SCAPER: variants seen among roughly 807,000 people sequenced by gnomAD.
The protein encoded by SCAPER is S-phase cyclin A associated protein in the ER.
In SCAPER, 98 loss-of-function variants were observed where a neutral mutation model predicts 182.2. That is an observed-to-expected ratio of 0.54 (90% CI 0.46 to 0.64). The LOEUF (loss-of-function observed/expected upper bound fraction) is 0.64. Ranked by LOEUF, SCAPER falls within the 30% of genes least tolerant of loss-of-function variation. The probability of loss-of-function intolerance (pLI) is 0.00; values close to 1 mark genes in which losing one functional copy is unlikely to be tolerated. For missense variants in SCAPER, 1,432 were observed against 1,690.0 expected (o/e 0.85, Z 2.68); for synonymous variants, 605 against 564.6 (o/e 1.07, Z -1.01).
chr15:76,521,535 A>G (rs1486027779), intron 23 of SCAPER, among the ~76,000 whole-genome samples: 1 of 152,208 alleles, frequency 6.6e-6, no homozygotes, highest in Non-Finnish European at 1.5e-5. Flanking sequence ...TTAGCCCTTC[A>G]TAGCTGTAGT....
rs2049360676 is a variant in SCAPER, at chr15:76,594,590, A to T, written c.2712-20306T>A. 1.6e-5 allele frequency among the ~76,000 whole-genome samples: 2 copies of T among 121,766 alleles called. 1 individual carries two copies. 79.9% of individuals were successfully genotyped at this position (121,766 alleles called of 152,430 possible). On this transcript the variant is annotated intron_variant, in intron 22 of 31. Coordinates refer to ENST00000563290, the MANE Select transcript of SCAPER (RefSeq NM_020843.4). Reference sequence around the variant, plus strand: ...GGCAGCCAGAGAGAAAGGTCGGGTTATCCACAAAGGGAAGCCCATCAGACT... The same window carrying T: ...GGCAGCCAGAGAGAAAGGTCGGGTTTTCCACAAAGGGAAGCCCATCAGACT...
At chr15:76,571,056 T>G (rs1038089105) in intron 23 of SCAPER, among the ~76,000 whole-genome samples, 1 of 152,092 alleles carries the variant, frequency 6.6e-6, no homozygotes, top group Non-Finnish European at 1.5e-5. Flanking sequence ...AATCTCCTAT[T>G]AGACCTCATA....
intron 17 of SCAPER, among the ~76,000 whole-genome samples, chr15:76,708,265 T>G (rs147929078): frequency 6.6e-6 from 1 of 152,306 alleles, no homozygotes; most frequent in African/African-American, 2.4e-5. Flanking sequence ...ATCACTGTTT[T>G]GGGGTTGTCT....
intron 14 of SCAPER, among the ~76,000 whole-genome samples, chr15:76,760,002 G>A (rs969316896): frequency 1.3e-5 from 2 of 152,048 alleles, no homozygotes; most frequent in Non-Finnish European, 2.9e-5. Flanking sequence ...GTAAGAGATA[G>A]GAAAAACTAA....
At chr15:76,664,003 A>G (rs2056390489) in intron 21 of SCAPER, among the ~76,000 whole-genome samples, 1 of 152,172 alleles carries the variant, frequency 6.6e-6, no homozygotes, top group Admixed American at 6.6e-5. Flanking sequence ...TACATTTAAA[A>G]AAAAAGGCCC....
At chr15:76,701,432 T>G (rs1304244266) in intron 20 of SCAPER, among the ~76,000 whole-genome samples, 1 of 152,184 alleles carries the variant, frequency 6.6e-6, no homozygotes, top group Non-Finnish European at 1.5e-5. Context: ...TAAGTGAAAT[T>G]TATGTGGTTA....
intron 20 of SCAPER, among the ~76,000 whole-genome samples, chr15:76,697,756 C>T (rs2058726578): frequency 6.6e-6 from 1 of 152,140 alleles, no homozygotes; most frequent in South Asian, 2.1e-4. Context: ...TCTCCTGCCT[C>T]AGCCTCTGAA....
At chr15:76,414,666 T>C (rs1484466098) in intron 26 of SCAPER, among the ~76,000 whole-genome samples, 1 of 152,118 alleles carries the variant, frequency 6.6e-6, no homozygotes, top group African/African-American at 2.4e-5. Flanking sequence ...CAAGGAGTAT[T>C]TAACACCAAT....
chr15:76,477,939 TTTTTTTTTAG>T (rs2050791106), intron 24 of SCAPER, among the ~76,000 whole-genome samples: 1 of 152,014 alleles, frequency 6.6e-6, no homozygotes, highest in African/African-American at 2.4e-5. Flanking sequence ...TATCTTAATT[TTTTTTTTTAG>T]TTTTTTTTGG....
At chr15:76,722,074 A>G (rs2060279949) in intron 17 of SCAPER, among the ~76,000 whole-genome samples, 1 of 152,182 alleles carries the variant, frequency 6.6e-6, no homozygotes, top group South Asian at 2.1e-4. Flanking sequence ...TTCAATAGAT[A>G]GCTCTTATTA....
intron 5 of SCAPER, among the ~76,000 whole-genome samples, chr15:76,825,672 G>A (rs1287492458): frequency 6.6e-6 from 1 of 152,126 alleles, no homozygotes; most frequent in African/African-American, 2.4e-5. Flanking sequence ...CAATAACCCA[G>A]AATAATAAAA....
At chr15:76,894,927 T>C (rs145711724) in intron 1 of SCAPER, among the ~76,000 whole-genome samples, 1 of 152,186 alleles carries the variant, frequency 6.6e-6, no homozygotes, top group African/African-American at 2.4e-5. Flanking sequence ...TAGGACCTCA[T>C]GGCTTCACTG....
chr15:76,658,997 G>C (rs2055897281), intron 21 of SCAPER, among the ~76,000 whole-genome samples: 1 of 152,120 alleles, frequency 6.6e-6, no homozygotes, highest in African/African-American at 2.4e-5. Context: ...TACCATTCTG[G>C]AAACAGGACC....
At chr15:76,725,196 C>T (rs1161845888) in intron 17 of SCAPER, among the ~76,000 whole-genome samples, 2 of 151,596 alleles carry the variant, frequency 1.3e-5, no homozygotes, top group Admixed American at 6.6e-5. Context: ...AAAATGTGTA[C>T]AAAAAATAAA....
intron 26 of SCAPER, among the ~76,000 whole-genome samples, chr15:76,407,997 T>A (rs2044990131): frequency 6.6e-6 from 1 of 152,152 alleles, no homozygotes; most frequent in East Asian, 1.9e-4. Flanking sequence ...AACCACAACA[T>A]CATTATCACA....
intron 23 of SCAPER, among the ~76,000 whole-genome samples, chr15:76,511,123 G>A (rs1277619246): frequency 6.6e-6 from 1 of 152,140 alleles, no homozygotes; most frequent in Admixed American, 6.5e-5. Flanking sequence ...AAGAGGGTGA[G>A]GGATAAAAGA....
intron 4 of SCAPER, among the ~76,000 whole-genome samples, chr15:76,844,672 T>C (rs2069863180): frequency 6.6e-6 from 1 of 151,690 alleles, no homozygotes; most frequent in African/African-American, 2.4e-5. Flanking sequence ...CATAAAGAAA[T>C]CCAAACCCTG....
At chr15:76,814,155 G>A (rs1037386836) in intron 5 of SCAPER, among the ~76,000 whole-genome samples, 17 of 151,968 alleles carry the variant, frequency 1.1e-4, no homozygotes, top group African/African-American at 2.7e-4. Context: ...GCGTCAAAGC[G>A]AGACTCCATC....
At position 76,701,863 on chromosome 15, in the gene SCAPER, G is replaced by C; in HGVS notation, c.2403C>G (p.Ile801Met). 2 of 1,610,192 alleles carry C rather than the reference G, an allele frequency of 1.2e-6. No homozygotes were observed. Among genetic ancestry groups the C allele is most frequent in the South Asian group, 1.1e-5 (1 of 90,816 alleles). The change falls in exon 20 of 32, where the codon ATC (isoleucine) becomes ATG (methionine). Residue 801 changes from isoleucine to methionine, a missense_variant and splice_region_variant. By Grantham distance (10) the Ile-to-Met change is conservative. Transcript: ENST00000563290. ...KKQCSLCNVLISSEVYLFSHV... is the reference protein window; with the variant it reads ...KKQCSLCNVLMSSEVYLFSHV... ...GGCTAAAAAGATATACCTCTGAAGAGATCTGAAAGCACAAAATCAAAGCAA... is the reference window on the plus strand; with the variant it reads ...GGCTAAAAAGATATACCTCTGAAGACATCTGAAAGCACAAAATCAAAGCAA...
Sources: allele counts gnomAD v4.1 joint callset (sites outside exome capture counted in the v4.1 genomes callset), GRCh38; gene constraint gnomAD v4.1.1; transcripts MANE v1.5; gene names NCBI Gene and HGNC (gene_info 2026-07-23, HGNC 2026-07-21).